The following NEB variants were observed in gnomAD, a reference collection of about 807,000 sequenced individuals.
NEB encodes nemaline myopathy type 2.
Under a neutral mutation model 952.2 loss-of-function variants are expected in NEB, and 512 were observed. That is an observed-to-expected ratio of 0.54 (90% CI 0.50 to 0.58). The LOEUF (loss-of-function observed/expected upper bound fraction) is 0.58. Ranked by LOEUF, NEB falls within the 20% of genes least tolerant of loss-of-function variation. NEB has a pLI of 0.00. For missense variants in NEB, 8,428 were observed against 9,231.1 expected (o/e 0.91, Z 3.56); for synonymous variants, 2,900 against 3,149.8 (o/e 0.92, Z 2.66).
chr2:151,565,770 T>C lies in NEB; in HGVS notation c.18207A>G (p.Pro6069=), dbSNP rs1257838121. 2 of 1,612,176 alleles carry C rather than the reference T, an allele frequency of 1.2e-6. No individual in the cohort carries two copies. The highest frequency in any genetic ancestry group is 1.7e-5 in the Admixed American group (1 of 59,766). The change falls in exon 115 of 182, where the codon CCA becomes CCG. Residue 6069 remains proline, a synonymous_variant. Coordinates refer to ENST00000397345, the MANE Select transcript of NEB (RefSeq NM_001164508.2). ...CCCTTACATGGTCCACAGAATCCAG[T>C]GGGATCCAGCCAATGCCTCGGAGCC... ...LEWLRGIGWI[P]LDSVDHVRVT...
chr2:151,677,700 G>T lies in NEB; in HGVS notation c.3639C>A (p.Val1213=). 2 of 1,613,854 alleles carry T rather than the reference G, an allele frequency of 1.2e-6. No homozygotes were observed. Among genetic ancestry groups the T allele is most frequent in the South Asian group, 2.2e-5 (2 of 91,082 alleles). The change falls in exon 34 of 182, where the codon GTC becomes GTA. Residue 1213 remains valine (V), a synonymous_variant. Coordinates refer to ENST00000397345, the MANE Select transcript of NEB (RefSeq NM_001164508.2). The part of the protein sequence containing the change: ...IGWIPIGSLD[V]EKVKKAGDAL... ...CATCACCGGCCTTTTTAACTTTTTC[G>T]ACGTCGAGACTGCCAATAGGAATCC...
chr2:151,667,800 T>C lies in NEB; in HGVS notation c.4719+4A>G, dbSNP rs2099239584. On this transcript the variant is annotated splice_donor_region_variant and intron_variant, in intron 40 of 181. Transcript: ENST00000397345. ...AAAGTTTCCTACTTTTAAGTTAGACTTACATCACTAGCAATATTCCTTGAA... is the reference window on the plus strand; with the variant it reads ...AAAGTTTCCTACTTTTAAGTTAGACCTACATCACTAGCAATATTCCTTGAA... The C allele has an allele frequency of 1.2e-6, 2 of 1,609,918 alleles. No individual in the cohort carries two copies. The highest frequency in any genetic ancestry group is 2.7e-5 in the African/African-American group (2 of 74,834).
chr2:151,617,488 AGAGAGAGAGAGAGAG>A lies in NEB; in HGVS notation c.11077-35_11077-21del. ...TAAGCGCTACAAAAAAAAAAAAAAA[AGAGAGAGAGAGAGAG>A]AAAAATTATTTTGGTGTTCACAGAT... On this transcript the variant is annotated intron_variant, in intron 74 of 181. Coordinates refer to ENST00000397345, the MANE Select transcript of NEB (RefSeq NM_001164508.2). The A allele has an allele frequency of 1.7e-6, 2 of 1,204,884 alleles. No individual in the cohort carries two copies. The highest frequency in any genetic ancestry group is 2.3e-4 in the Middle Eastern group (1 of 4,380). 74.6% of individuals were successfully genotyped at this position (1,204,884 alleles called of 1,614,324 possible).
At chr2:151,568,444 G>A in intron 111 of NEB, 27 bp from the exon 112 acceptor site, 5 of 1,566,310 alleles carry the variant, frequency 3.2e-6, no homozygotes, top group Non-Finnish European at 4.4e-6. Flanking sequence ...GAGAGGCAAG[G>A]GGGCAAGTTA....
chr2:151,723,750 G>GTTTTTTTTTTT (rs11308757), intron 8 of NEB, among the ~76,000 whole-genome samples: 19 of 51,336 alleles, frequency 3.7e-4, no homozygotes, highest in Admixed American at 5.0e-4. Flanking sequence ...TGCCTTCTTT[G>GTTTTTTTTTTT]TTTTTTTTTT....
At position 151,655,965 on chromosome 2, in the gene NEB, C is replaced by T; in HGVS notation, c.6554G>A (p.Gly2185Asp). The T allele has an allele frequency of 1.2e-6, 2 of 1,613,744 alleles. No individual in the cohort carries two copies. The highest frequency in any genetic ancestry group is 8.5e-7 in the Non-Finnish European group (1 of 1,179,772). ...WYKGLGWSPA[G>D]SLEVEKAKKA... ...CTTGGCCTTCTCCACTTCCAGAGAA[C>T]CTGCTGGACTCCAGCCAAGCCCTTT... Residue 2185 changes from glycine to aspartate, a missense_variant, in exon 50 of 182, where the codon GGT (glycine) becomes GAT (aspartate). By Grantham distance (94) the Gly-to-Asp change is moderately conservative. Coordinates refer to ENST00000397345, the MANE Select transcript of NEB (RefSeq NM_001164508.2).
chr2:151,705,074 C>T (rs919347188), intron 13 of NEB, among the ~76,000 whole-genome samples: 11 of 152,020 alleles, frequency 7.2e-5, no homozygotes, highest in African/African-American at 2.7e-4. Context: ...TTAAACAAAC[C>T]TTCATGAAAA....
chr2:151,631,464 G>A (rs1268555846), intron 65 of NEB, 118 bp from the exon 66 acceptor site: 32 of 1,095,154 alleles, frequency 2.9e-5, no homozygotes, highest in South Asian at 2.0e-4. Flanking sequence ...AAACAAGCGC[G>A]TTGTATAAGG....
At chr2:151,659,908 CA>C (rs935800063) in intron 46 of NEB, among the ~76,000 whole-genome samples, 2 of 152,128 alleles carry the variant, frequency 1.3e-5, no homozygotes, top group African/African-American at 4.8e-5. Context: ...TTAATTTAAT[CA>C]GTTCTCTGGT....
chr2:151,709,866 TG>T, intron 11 of NEB, 103 bp from the exon 12 acceptor site: 1 of 818,964 alleles, frequency 1.2e-6, no homozygotes, highest in Non-Finnish European at 2.0e-6. Context: ...AATGCCACCC[TG>T]TCCTTGGTTT....
intron 10 of NEB, among the ~76,000 whole-genome samples, chr2:151,713,620 G>A (rs575967856): frequency 1.1e-4 from 16 of 152,290 alleles, no homozygotes; most frequent in Admixed American, 4.6e-4. Context: ...GGATCTGGAA[G>A]GGAGCAGAGA....
rs915221327 is a variant in NEB, at chr2:151,667,839, C to A, written c.4684G>T (p.Val1562Phe). ...YDLRPDAIPI[V>F]AAKSSRNIAS... The stretch of plus-strand genomic sequence containing the variant: ...ATATTCCTTGAACTTTTTGCAGCAA[C>A]AATTGGGATGGCATCTGGTCTCAAA... The change falls in exon 40 of 182, where the codon GTT becomes TTT. Residue 1562 changes from valine to phenylalanine, a missense_variant. Val to Phe is a conservative substitution (Grantham distance 50). This residue lies in a region of NEB where 2,851 missense variants were observed against 2,791.5 expected (regional missense o/e 1.02). Coordinates refer to ENST00000397345, the MANE Select transcript of NEB (RefSeq NM_001164508.2). The A allele has an allele frequency of 8.1e-6, 13 of 1,612,424 alleles. No homozygotes were observed. The highest frequency in any genetic ancestry group is 1.0e-5 in the Non-Finnish European group (12 of 1,178,880).
chr2:151,567,896 C>G (rs538486333), intron 113 of NEB, among the ~76,000 whole-genome samples, 175 bp downstream of exon 113: 1 of 152,026 alleles, frequency 6.6e-6, no homozygotes, highest in African/African-American at 2.4e-5. Flanking sequence ...AAGCTCAAAG[C>G]CCATGGAAGA....
rs1466496551 is a variant in NEB, at chr2:151,696,668, T to C, written c.1538A>G (p.Gln513Arg). 4.3e-6 allele frequency: 7 copies of C among 1,613,764 alleles called. No homozygotes were observed. The highest frequency in any genetic ancestry group is 2.7e-5 in the African/African-American group (2 of 74,934). The part of the protein sequence containing the change: ...TQVTDSPVLL[Q>R]AQVNSKQLSD... ...CAGTTGTTTGGAATTGACTTGGGCT[T>C]GTAGCAGAACAGGAGAGTCTGTAAC... The change falls in exon 17 of 182, where the codon CAA (glutamine) becomes CGA (arginine). Residue 513 changes from glutamine (Q) to arginine (R), a missense_variant. Gln to Arg is a conservative substitution (Grantham distance 43). This residue lies in a region of NEB where 2,851 missense variants were observed against 2,791.5 expected (regional missense o/e 1.02). Transcript: ENST00000397345.
rs1219709277 is a variant in NEB at position 151,612,247 on chromosome 2, G to A, written c.11744C>T (p.Thr3915Ile). ...AATTTCCGGAGTGTCGGTAATGCATGTGAATTTGAGCTGGTCTGCAGGCTG... is the reference window on the plus strand; with the variant it reads ...AATTTCCGGAGTGTCGGTAATGCATATGAATTTGAGCTGGTCTGCAGGCTG... ...YRQPADQLKF[T>I]CITDTPEIVL... The change falls in exon 78 of 182, where the codon ACA (threonine) becomes ATA (isoleucine). Residue 3915 changes from threonine (T) to isoleucine (I), a missense_variant. Coordinates refer to ENST00000397345, the MANE Select transcript of NEB (RefSeq NM_001164508.2). 6.2e-7 allele frequency: 1 copy of A among 1,613,874 alleles called. No homozygotes were observed. Among genetic ancestry groups the A allele is most frequent in the East Asian group, 2.2e-5 (1 of 44,864 alleles).
At chr2:151,677,197 T>C (rs771469845) in intron 34 of NEB, among the ~76,000 whole-genome samples, 2 of 152,216 alleles carry the variant, frequency 1.3e-5, no homozygotes, top group African/African-American at 2.4e-5. Flanking sequence ...TAACATAGAA[T>C]TGAATACAAC....
At chr2:151,545,836 A>G in intron 135 of NEB, 52 bp downstream of exon 135, 1 of 1,125,056 alleles carries the variant, frequency 8.9e-7, no homozygotes, top group East Asian at 2.4e-5. Flanking sequence ...GGAGTAATTC[A>G]GTTTGTACTG....
chr2:151,622,456 C>G (rs11681877), intron 71 of NEB, among the ~76,000 whole-genome samples: 1 of 151,928 alleles, frequency 6.6e-6, no homozygotes, highest in African/African-American at 2.4e-5. Flanking sequence ...TACTTTCCAC[C>G]TTTTGCAAAA....
chr2:151,500,761 C>CTAAT (rs2063855000), intron 168 of NEB, among the ~76,000 whole-genome samples: 1 of 151,988 alleles, frequency 6.6e-6, no homozygotes, highest in South Asian at 2.1e-4. Context: ...CCACGCTTGG[C>CTAAT]TAATTTTTTC....
Sources: gnomAD v4.1 joint callset for allele counts (sites outside exome capture counted in the v4.1 genomes callset) on GRCh38, gnomAD v4.1.1 for gene constraint, gnomAD v4.1.1 regional missense constraint, MANE v1.5 for transcripts, NCBI Gene and HGNC (gene_info 2026-07-23, HGNC 2026-07-21) for gene names.